NPC1: variants seen among roughly 807,000 people sequenced by gnomAD.
NPC1 encodes NPC intracellular cholesterol transporter 1, also known as Niemann-Pick C1 protein.
Under a neutral mutation model 140.4 loss-of-function variants are expected in NPC1, and 85 were observed. The observed-to-expected ratio is 0.61, with a 90% CI of 0.51 to 0.72. The LOEUF (loss-of-function observed/expected upper bound fraction) is 0.72. Among genes scored for constraint, NPC1 ranks in the 30% least tolerant of loss-of-function variants. The pLI is 0.00. For synonymous variants in NPC1, 656 were observed against 624.8 expected (o/e 1.05, Z -0.74); for missense variants, 1,504 against 1,623.8 (o/e 0.93, Z 1.27).
At chr18:23,554,680 A>G (rs2058923636) in intron 9 of NPC1, 78 bp downstream of exon 9, 2 of 1,096,146 alleles carry the variant, frequency 1.8e-6, no homozygotes, top group African/African-American at 3.1e-5. Context: ...GGTTATGCTC[A>G]TAAAACAAGC....
downstream of NPC1, among the ~76,000 whole-genome samples, chr18:23,524,752 G>A (rs1355983048): frequency 6.6e-6 from 1 of 151,654 alleles, no homozygotes; most frequent in African/African-American, 2.4e-5. Context: ...TCCACCCCAG[G>A]GTGGATGGAA....
intron 3 of NPC1, among the ~76,000 whole-genome samples, chr18:23,569,388 TCACAGCTCAC>T (rs965114971): frequency 6.6e-6 from 1 of 152,206 alleles, no homozygotes; most frequent in Non-Finnish European, 1.5e-5. Flanking sequence ...AGTGGTGTGA[TCACAGCTCAC>T]TGTAACCTTG....
chr18:23,516,185 G>A (rs1598868645), intron 3 of NPC1: 2 of 1,313,726 alleles, frequency 1.5e-6, no homozygotes, highest in East Asian at 2.3e-5. Flanking sequence ...CAGACAGGCT[G>A]TGAGAGGACA....
rs68163205 is a variant in NPC1, at chr18:23,550,479, CTTTTT to C, written c.1654+1143_1654+1147del. 5.6e-4 allele frequency among the ~76,000 whole-genome samples: 42 copies of C among 74,952 alleles called. 1 individual carries two copies. The highest frequency in any genetic ancestry group is 8.0e-4 in the Non-Finnish European group (36 of 44,936). The allele number at this position is 74,952 out of a possible 152,430, so 49.2% of individuals were successfully genotyped here. ...GAATTTTCTTCCAGTTCTTACATTTCTTTTTTTTTTTTTTTTTTTTGAGATGGAGT... is the reference window on the plus strand; with the variant it reads ...GAATTTTCTTCCAGTTCTTACATTTCTTTTTTTTTTTTTTTGAGATGGAGT... On this transcript the variant is annotated intron_variant, in intron 10 of 24. Transcript: ENST00000269228.
At chr18:23,550,930 C>T (rs539386911) in intron 10 of NPC1, among the ~76,000 whole-genome samples, 1 of 152,320 alleles carries the variant, frequency 6.6e-6, no homozygotes, top group East Asian at 1.9e-4. Context: ...GCATTTTCCT[C>T]TCTGATGCAC....
intron 21 of NPC1, 61 bp downstream of exon 21, chr18:23,536,612 C>A: frequency 1.4e-6 from 2 of 1,462,670 alleles, no homozygotes; most frequent in Non-Finnish European, 1.9e-6. Flanking sequence ...GAACCCTCCC[C>A]ACTCCCACCC....
rs901122746 is a variant in NPC1, at chr18:23,556,480, C to T, written c.1089G>A (p.Ala363=). 14 of 1,613,998 alleles carry T rather than the reference C, an allele frequency of 8.7e-6. No individual in the cohort carries two copies. The highest frequency in any genetic ancestry group is 1.6e-4 in the Middle Eastern group (1 of 6,084). The change falls in exon 8 of 25, where the codon GCG becomes GCA. Residue 363 remains alanine, a synonymous_variant. Coordinates refer to ENST00000269228, the MANE Select transcript of NPC1 (RefSeq NM_000271.5). ...GGACAAACACCAGGCCTGACGAACA[C>T]GCAGTAATGAAGACCAGCGAGAAGA... ...VIFFSLVFIT[A]CSSGLVFVRV...
downstream of NPC1, chr18:23,529,991 T>C: frequency 1.3e-6 from 2 of 1,549,014 alleles, no homozygotes; most frequent in Non-Finnish European, 1.8e-6. Context: ...GCTGAATGAT[T>C]TGGAAGTGTT....
rs777135810 is a variant in NPC1 at position 23,516,323 on chromosome 18, G to T, written c.432-9681C>A. 8 of 1,614,090 alleles carry T rather than the reference G, an allele frequency of 5.0e-6. No individual in the cohort carries two copies. In the Admixed American group the frequency reaches 5.0e-5, roughly 10 times the overall value. ...AAAACATTTTCCCCCTAAACAGGCT[G>T]GCACTATGTCGAAGCTGCCCAAATT... is the stretch of plus-strand genomic sequence containing the variant. On this transcript the variant is annotated intron_variant, in intron 3 of 3. Coordinates refer to the NPC1 transcript ENST00000591107.
intron 3 of NPC1, 67 bp downstream of exon 3, chr18:23,572,007 A>C: frequency 1.1e-6 from 1 of 884,702 alleles, no homozygotes. Flanking sequence ...GAATAAATGG[A>C]AAGCTGAGCA....
chr18:23,582,983 C>G (rs2059374214), intron 1 of NPC1, among the ~76,000 whole-genome samples: 1 of 151,830 alleles, frequency 6.6e-6, no homozygotes, highest in Non-Finnish European at 1.5e-5. Flanking sequence ...GTGGCATGCA[C>G]CTGCAGTCCC....
rs1689667817 is a variant in NPC1, at chr18:23,586,465, G to A, written c.-122C>T. 2.0e-6 allele frequency: 3 copies of A among 1,463,712 alleles called. No individual in the cohort carries two copies. Among genetic ancestry groups the A allele is most frequent in the Non-Finnish European group, 1.8e-6 (2 of 1,114,588 alleles). The allele number at this position is 1,463,712 out of a possible 1,614,324, so 90.7% of individuals were successfully genotyped here. A position where few individuals can be genotyped will look rare whatever the true frequency, so the allele number is the denominator to read the frequency against. ...CAGGAGGAGCGGAGGAGCAGGAGCA[G>A]GCGCTGACCGCGGCAGCAGGCTGCG... is the stretch of plus-strand genomic sequence containing the variant. On this transcript the variant is annotated 5_prime_UTR_variant, in exon 1 of 25. Coordinates refer to ENST00000269228, the MANE Select transcript of NPC1 (RefSeq NM_000271.5).
At chr18:23,529,035 G>A, downstream of NPC1, 1 of 1,362,956 alleles carries the variant, frequency 7.3e-7, no homozygotes, top group Non-Finnish European at 9.8e-7. Context: ...ATGCGCACAG[G>A]AAAAAGTTGT....
downstream of NPC1, chr18:23,529,794 A>T: frequency 7.3e-7 from 1 of 1,367,792 alleles, no homozygotes; most frequent in East Asian, 2.3e-5. Flanking sequence ...AAGATGACTC[A>T]TATGCTAAGA....
chr18:23,543,604 A>G lies in NPC1; in HGVS notation c.2131-35T>C, dbSNP rs756848632. ...AAAAAAAAAAAATTATGCGACATTA[A>G]AATTTCTCAATAACAACGCCATTTC... is the stretch of plus-strand genomic sequence containing the variant. On this transcript the variant is annotated intron_variant, in intron 13 of 24. Transcript: ENST00000269228. 23 of 1,265,328 alleles carry G rather than the reference A, an allele frequency of 1.8e-5. No individual in the cohort carries two copies. The South Asian group carries it at 2.8e-4, about 15-fold the overall frequency. The allele number at this position is 1,265,328 out of a possible 1,614,324, so 78.4% of individuals were successfully genotyped here. A position where few individuals can be genotyped will look rare whatever the true frequency, so the allele number is the denominator to read the frequency against.
At chr18:23,539,741 GGCCTGAGCTGACT>G in intron 18 of NPC1, 57 bp downstream of exon 18, 12 of 1,501,388 alleles carry the variant, frequency 8.0e-6, no homozygotes, top group Non-Finnish European at 1.1e-5. Context: ...AGACATTTCA[GGCCTGAGCTGACT>G]GCCTGGCTGA....
At chr18:23,534,423 G>A (rs752008740) in intron 23 of NPC1, 23 bp downstream of exon 23, 34 of 1,507,792 alleles carry the variant, frequency 2.3e-5, no homozygotes, top group Admixed American at 8.4e-5. Flanking sequence ...CTCTGCCGGC[G>A]TGGCCCTGCT....
Position 23,531,503 on chromosome 18 carries a change from G to C in NPC1, c.*699C>G. On this transcript the variant is annotated 3_prime_UTR_variant, in exon 25 of 25. Coordinates refer to ENST00000269228, the MANE Select transcript of NPC1 (RefSeq NM_000271.5). Reference sequence around the variant, plus strand: ...CAGATAGGGTAACCCCAAAACTTAGGAAAACAATGTATTTTATTAAAGAAA... The same window carrying C: ...CAGATAGGGTAACCCCAAAACTTAGCAAAACAATGTATTTTATTAAAGAAA... The C allele has an allele frequency of 6.7e-7, 1 of 1,483,368 alleles. No homozygotes were observed. Among genetic ancestry groups the C allele is most frequent in the South Asian group, 1.4e-5 (1 of 70,174 alleles). 91.9% of individuals were successfully genotyped at this position (1,483,368 alleles called of 1,614,324 possible).
rs1309874755 is a variant in NPC1 at position 23,532,300 on chromosome 18, ACTTTTT to A, written c.3755-22_3755-17del. On this transcript the variant is annotated splice_polypyrimidine_tract_variant and intron_variant, in intron 24 of 24. Coordinates refer to ENST00000269228, the MANE Select transcript of NPC1 (RefSeq NM_000271.5). ...ACTGATGGCCCTATGAGAGAGAGAG[ACTTTTT>A]CTTATTTCTGCAGGAGAAAGGGAGC... is the stretch of plus-strand genomic sequence containing the variant. 5 of 1,613,756 alleles carry A rather than the reference ACTTTTT, an allele frequency of 3.1e-6. No homozygotes were observed. The African/African-American group carries it at 6.7e-5, about 22-fold the overall frequency.
Sources: gnomAD v4.1 joint callset for allele counts (sites outside exome capture counted in the v4.1 genomes callset) on GRCh38, gnomAD v4.1.1 for gene constraint, MANE v1.5 for transcripts, NCBI Gene and HGNC (gene_info 2026-07-23, HGNC 2026-07-21) for gene names.